FAM114A1: variants seen among roughly 807,000 people sequenced by gnomAD.
FAM114A1 encodes family with sequence similarity 114 member A1.
Under a neutral mutation model 64.3 loss-of-function variants are expected in FAM114A1, and 62 were observed. That is an observed-to-expected ratio of 0.96 (90% CI 0.79 to 1.19). The LOEUF (loss-of-function observed/expected upper bound fraction) is 1.19. FAM114A1 is among the 50% of genes most tolerant of loss of function. FAM114A1 has a pLI of 0.00. For missense variants in FAM114A1, 645 were observed against 676.3 expected (o/e 0.95, Z 0.51); for synonymous variants, 254 against 251.1 (o/e 1.01, Z -0.11).
chr4:38,935,097 G>A (rs1200754743), intron 12 of FAM114A1, among the ~76,000 whole-genome samples: 5 of 151,640 alleles, frequency 3.3e-5, no homozygotes, highest in Non-Finnish European at 5.9e-5. Context: ...TGGTATTTTT[G>A]GTAGAGACAG....
At chr4:38,873,331 G>A (rs567819896) in intron 2 of FAM114A1, among the ~76,000 whole-genome samples, 18 of 152,250 alleles carry the variant, frequency 1.2e-4, no homozygotes, top group Non-Finnish European at 2.1e-4. Context: ...AAGACAATAC[G>A]GAAATGTCAA....
chr4:38,904,310 C>T (rs1177184952), intron 4 of FAM114A1, among the ~76,000 whole-genome samples: 1 of 152,194 alleles, frequency 6.6e-6, no homozygotes, highest in East Asian at 1.9e-4. Flanking sequence ...TTTGACAACT[C>T]AGAAAAGCTA....
At chr4:38,893,723 C>T (rs1262721367) in intron 4 of FAM114A1, among the ~76,000 whole-genome samples, 10 of 152,216 alleles carry the variant, frequency 6.6e-5, no homozygotes, top group Non-Finnish European at 1.5e-5. Context: ...ATTGAATTTA[C>T]TATCCAGCAC....
rs150073742 is a variant in FAM114A1 at position 38,935,236 on chromosome 4, C to T, written c.1464-482C>T. On this transcript the variant is annotated intron_variant, in intron 12 of 14. Transcript: ENST00000358869. The stretch of plus-strand genomic sequence containing the variant: ...CGGCCACCTAACTTTCTTAAATGTC[C>T]GATTTTCCATCTATATAAAATGGAA... Among the ~76,000 whole-genome samples, 7 of 152,200 alleles carry T rather than the reference C, an allele frequency of 4.6e-5. No homozygotes were observed. The East Asian group carries it at 9.6e-4, about 21-fold the overall frequency.
chr4:38,910,393 C>T (rs1435865928), intron 7 of FAM114A1, among the ~76,000 whole-genome samples: 2 of 152,232 alleles, frequency 1.3e-5, no homozygotes, highest in Admixed American at 6.5e-5. Flanking sequence ...AATATTCCTG[C>T]TCACACAGGA....
intron 9 of FAM114A1, among the ~76,000 whole-genome samples, chr4:38,926,854 C>T (rs781281465): frequency 6.6e-6 from 1 of 152,198 alleles, no homozygotes; most frequent in Non-Finnish European, 1.5e-5. Context: ...CTTGAAGGCT[C>T]TGTTCAGGCA....
At chr4:38,942,203 A>G (rs775179781) in intron 14 of FAM114A1, among the ~76,000 whole-genome samples, 16 of 152,188 alleles carry the variant, frequency 1.1e-4, no homozygotes, top group Non-Finnish European at 2.4e-4. Flanking sequence ...TCAAGATGAG[A>G]TTTGGGTGGT....
In FAM114A1 at chr4:38,913,000, C is replaced by T. The variant is rs16994931; in HGVS notation, c.793-1921C>T. On this transcript the variant is annotated intron_variant, in intron 7 of 14. Coordinates refer to ENST00000358869, the MANE Select transcript of FAM114A1 (RefSeq NM_138389.4). The stretch of plus-strand genomic sequence containing the variant: ...CAGACAGGAGAGAGAATTCTCTTTG[C>T]GGCCCTGTGGGTTCTTGGCAGATAA... 4.8e-3 allele frequency among the ~76,000 whole-genome samples: 736 copies of T among 152,268 alleles called. 3 individuals are homozygous for T. The highest frequency in any genetic ancestry group is 0.017 in the African/African-American group (710 of 41,558).
intron 3 of FAM114A1, among the ~76,000 whole-genome samples, chr4:38,886,365 T>A (rs1715805180): frequency 6.6e-6 from 1 of 151,092 alleles, no homozygotes; most frequent in Non-Finnish European, 1.5e-5. Context: ...GAGACGGGGT[T>A]TCACCTTTTT....
chr4:38,933,307 G>A (rs1429067015), intron 12 of FAM114A1, among the ~76,000 whole-genome samples: 5 of 152,202 alleles, frequency 3.3e-5, no homozygotes, highest in Non-Finnish European at 7.3e-5. Context: ...AGTCTTAGAA[G>A]TAAAACCTTT....
chr4:38,930,231 A>G (rs894394371), intron 10 of FAM114A1, among the ~76,000 whole-genome samples: 6 of 152,198 alleles, frequency 3.9e-5, no homozygotes, highest in African/African-American at 1.4e-4. Flanking sequence ...AAGTTTCTTT[A>G]GAGGCCATGA....
Position 38,891,860 on chromosome 4 carries a change from CA to C in FAM114A1, c.436+33del, listed in dbSNP as rs757698183. The C allele has an allele frequency of 5.7e-6, 9 of 1,573,996 alleles. 1 individual carries two copies. The South Asian group carries it at 9.3e-5, about 16-fold the overall frequency. ...GCATTGTATGTTGCATTGGAATAGA[CA>C]AAGTACCAAAGCCTAATAGGATAGG... On this transcript the variant is annotated intron_variant, in intron 4 of 14. Transcript: ENST00000358869.
At chr4:38,942,481 C>A (rs963445470) in intron 14 of FAM114A1, among the ~76,000 whole-genome samples, 2 of 152,120 alleles carry the variant, frequency 1.3e-5, no homozygotes, top group African/African-American at 4.8e-5. Flanking sequence ...CTCCCCTGGC[C>A]ACCCAGAAGG....
At chr4:38,929,051 C>G (rs1388962062) in intron 9 of FAM114A1, 191 bp from the exon 10 acceptor site, 2 of 567,018 alleles carry the variant, frequency 3.5e-6, no homozygotes, top group East Asian at 6.3e-5. Flanking sequence ...CGGCCCTGCA[C>G]CCGGATGCAT....
At chr4:38,937,846 T>C (rs1486281964) in intron 13 of FAM114A1, among the ~76,000 whole-genome samples, 1 of 152,088 alleles carries the variant, frequency 6.6e-6, no homozygotes, top group African/African-American at 2.4e-5. Context: ...GTGATTCTCA[T>C]GCCTCAGCCT....
chr4:38,933,107 C>T (rs1437808567), intron 12 of FAM114A1, among the ~76,000 whole-genome samples: 2 of 152,138 alleles, frequency 1.3e-5, no homozygotes, highest in East Asian at 1.9e-4. Flanking sequence ...CTGCCTCGGC[C>T]TCCCAAAGTG....
At chr4:38,918,393 G>T (rs899465191) in intron 8 of FAM114A1, among the ~76,000 whole-genome samples, 1 of 152,162 alleles carries the variant, frequency 6.6e-6, no homozygotes, top group African/African-American at 2.4e-5. Context: ...GGCTCCGCTA[G>T]GCCCGTTCCA....
chr4:38,917,120 A>G lies in FAM114A1; in HGVS notation c.945+2047A>G, dbSNP rs184315820. ...GGAGTTCAAGACCAGCCTGGCCAACATGGTGAAGCCCCATCTCTACTAAAA... is the reference window on the plus strand; with the variant it reads ...GGAGTTCAAGACCAGCCTGGCCAACGTGGTGAAGCCCCATCTCTACTAAAA... On this transcript the variant is annotated intron_variant, in intron 8 of 14. Transcript: ENST00000358869. 6.2e-3 allele frequency among the ~76,000 whole-genome samples: 939 copies of G among 151,220 alleles called. 40 individuals are homozygous for G. The highest frequency in any genetic ancestry group is 0.057 in the Admixed American group (861 of 15,166).
At chr4:38,894,624 T>C (rs1454639887) in intron 4 of FAM114A1, among the ~76,000 whole-genome samples, 1 of 152,164 alleles carries the variant, frequency 6.6e-6, no homozygotes, top group Non-Finnish European at 1.5e-5. Flanking sequence ...CCTAAGAAGA[T>C]GCTGGATAGT....
Sources: allele counts gnomAD v4.1 joint callset (sites outside exome capture counted in the v4.1 genomes callset), GRCh38; gene constraint gnomAD v4.1.1; transcripts MANE v1.5; gene names NCBI Gene and HGNC (gene_info 2026-07-23, HGNC 2026-07-21).